EGFL6: variants seen among roughly 807,000 people sequenced by gnomAD.
The protein encoded by EGFL6 is epidermal growth factor-like protein 6.
In EGFL6, 42 loss-of-function variants were observed where a neutral mutation model predicts 43.1. That is an observed-to-expected ratio of 0.98 (90% CI 0.76 to 1.26). The LOEUF is 1.26. Among genes scored for constraint, EGFL6 ranks in the 50% most tolerant of loss-of-function variants. The pLI, the probability that EGFL6 is intolerant of heterozygous loss-of-function variation, is 0.00. For missense variants in EGFL6, 429 were observed against 427.8 expected, an observed-to-expected ratio of 1.00 and a Z score of -0.02; for synonymous variants, 164 against 163.2, an observed-to-expected ratio of 1.01 and a Z score of -0.04.
At position 13,608,528 on chromosome X, in the gene EGFL6, C is replaced by T; in HGVS notation, c.778+82C>T. ...ATCTCCTTCCTCCCTCTATTTCTCT[C>T]CTTTCTTTGTCTTCCTCGCCTTCTC... is the stretch of plus-strand genomic sequence containing the variant. On this transcript the variant is annotated intron_variant, in intron 7 of 11. Transcript: ENST00000361306. The T allele has an allele frequency of 2.7e-6, 3 of 1,107,972 alleles. No individual in the cohort carries two copies. The African/African-American group carries it at 5.4e-5, about 20-fold the overall frequency. 91.3% of individuals were successfully genotyped at this position (1,107,972 alleles called of 1,213,427 possible).
intron 7 of EGFL6, among the ~76,000 whole-genome samples, chrX:13,614,736 C>G (rs999226107): frequency 2.8e-5 from 3 of 105,428 alleles, no homozygotes; most frequent in African/African-American, 1.1e-4. Flanking sequence ...CCTCCTACTG[C>G]AACTCCCTCC....
At chrX:13,587,574 T>C in intron 1 of EGFL6, among the ~76,000 whole-genome samples, 1 of 112,041 alleles carries the variant, frequency 8.9e-6, no homozygotes, top group Non-Finnish European at 1.9e-5. Flanking sequence ...CTACAGAATA[T>C]TGGAGTTTAT....
intron 6 of EGFL6, 147 bp from the exon 7 acceptor site, chrX:13,608,177 T>C (rs1337309809): frequency 1.5e-6 from 1 of 688,010 alleles, no homozygotes; most frequent in African/African-American, 2.2e-5. Flanking sequence ...CCAATGAGCC[T>C]GCAGTTCTGA....
At chrX:13,585,594 G>A (rs1355003265) in intron 1 of EGFL6, among the ~76,000 whole-genome samples, 1 of 110,802 alleles carries the variant, frequency 9.0e-6, no homozygotes, top group African/African-American at 3.3e-5. Flanking sequence ...AAATAGGTAA[G>A]GTCCTTCCTA....
rs763012440 is a variant in EGFL6 at position 13,599,985 on chromosome X, G to A, written c.291G>A (p.Glu97=). The change falls in exon 4 of 12, where the codon GAG becomes GAA. Residue 97 remains glutamate, a synonymous_variant. Coordinates refer to ENST00000361306, the MANE Select transcript of EGFL6 (RefSeq NM_015507.4). ...TGKTCSQDVN[E]CGMKPRPCQH... Reference sequence around the variant, plus strand: ...TAAATGTCCCTGCAGATGTGAATGAGTGTGGAATGAAACCCCGGCCATGCC... The same window carrying A: ...TAAATGTCCCTGCAGATGTGAATGAATGTGGAATGAAACCCCGGCCATGCC... 2.5e-6 allele frequency: 3 copies of A among 1,210,687 alleles called. No homozygotes were observed. The East Asian group carries it at 8.9e-5, about 36-fold the overall frequency.
At chrX:13,591,817 C>A (rs775226060) in intron 2 of EGFL6, among the ~76,000 whole-genome samples, 2 of 111,256 alleles carry the variant, frequency 1.8e-5, no homozygotes, top group Non-Finnish European at 3.8e-5. Context: ...TAAATCTCCT[C>A]CCAAGGCAGG....
intron 11 of EGFL6, among the ~76,000 whole-genome samples, chrX:13,632,048 AATTT>A (rs2045813924): frequency 9.0e-6 from 1 of 110,501 alleles, no homozygotes; most frequent in African/African-American, 3.3e-5. Context: ...ATTACTAATA[AATTT>A]ATTAGACAAA....
intron 7 of EGFL6, among the ~76,000 whole-genome samples, chrX:13,610,313 TC>T (rs1385641390): frequency 8.9e-6 from 1 of 112,152 alleles, no homozygotes; most frequent in Non-Finnish European, 1.9e-5. Flanking sequence ...TTACATTCTC[TC>T]TTAAAAATGG....
chrX:13,579,329 T>C (rs1281789384), intron 1 of EGFL6, among the ~76,000 whole-genome samples: 1 of 111,548 alleles, frequency 9.0e-6, no homozygotes, highest in African/African-American at 3.3e-5. Context: ...CTCCCACTTA[T>C]AAGTGAGAAC....
rs151014946 is a variant in EGFL6 at position 13,606,511 on chromosome X, T to C, written c.653T>C (p.Ile218Thr). ...TATATCAGTGGACGATATGACTGTA[T>C]AGGTAAGATTCGATGGCACCTTTTC... ...LQYISGRYDCIDINECTMDSH... is the reference protein window; with the variant it reads ...LQYISGRYDCTDINECTMDSH... The change falls in exon 6 of 12, where the codon ATA becomes ACA. Residue 218 changes from isoleucine (I) to threonine (T), a missense_variant and splice_region_variant. Transcript: ENST00000361306. The C allele has an allele frequency of 1.7e-6, 2 of 1,207,822 alleles. No individual in the cohort carries two copies. The highest frequency in any genetic ancestry group is 2.2e-6 in the Non-Finnish European group (2 of 893,832).
At chrX:13,569,963 C>G in intron 1 of EGFL6, 28 bp downstream of exon 1, 1 of 1,199,891 alleles carries the variant, frequency 8.3e-7, no homozygotes, top group East Asian at 3.0e-5. Flanking sequence ...GATTGGCTTC[C>G]CCCCACCCCC....
At chrX:13,599,238 G>A (rs759054365) in intron 3 of EGFL6, among the ~76,000 whole-genome samples, 4 of 110,942 alleles carry the variant, frequency 3.6e-5, no homozygotes, top group African/African-American at 1.3e-4. Context: ...ACATAGAATT[G>A]TGCATATATA....
rs753173608 is a variant in EGFL6 at position 13,608,355 on chromosome X, G to A, written c.687G>A (p.Thr229=). The A allele has an allele frequency of 9.1e-6, 11 of 1,209,025 alleles. No individual in the cohort carries two copies. The South Asian group carries it at 1.1e-4, about 12-fold the overall frequency. The change falls in exon 7 of 12, where the codon ACG becomes ACA. Residue 229 remains threonine, a synonymous_variant. Coordinates refer to ENST00000361306, the MANE Select transcript of EGFL6 (RefSeq NM_015507.4). ...DINECTMDSH[T]CSHHANCFNT... ...ATGAATGTACTATGGATAGCCATAC[G>A]TGCAGCCACCATGCCAATTGCTTCA...
chrX:13,607,154 C>A (rs1170469070), intron 6 of EGFL6, among the ~76,000 whole-genome samples: 1 of 111,424 alleles, frequency 9.0e-6, no homozygotes, highest in East Asian at 2.8e-4. Context: ...GAATTTCAGG[C>A]CTCCATGAAC....
chrX:13,598,888 ACATATATATAATTCATATATATATTT>A (rs1380323556), intron 3 of EGFL6, among the ~76,000 whole-genome samples: 3 of 104,833 alleles, frequency 2.9e-5, no homozygotes, highest in Non-Finnish European at 5.8e-5. Context: ...TATATAATTC[ACATATATATAATTCATATATATATTT>A]CATATATATA....
chrX:13,569,908 T>G lies in EGFL6; in HGVS notation c.47T>G (p.Val16Gly), dbSNP rs772510793. 32 of 1,210,663 alleles carry G rather than the reference T, an allele frequency of 2.6e-5. No homozygotes were observed. The highest frequency in any genetic ancestry group is 3.0e-5 in the Non-Finnish European group (27 of 895,115). The change falls in exon 1 of 12, where the codon GTG (valine) becomes GGG (glycine). Residue 16 changes from valine to glycine, a missense_variant. Coordinates refer to ENST00000361306, the MANE Select transcript of EGFL6 (RefSeq NM_015507.4). ...GCGCTCCCGCTGCTGCTCTCCTGGG[T>G]GGCAGGTGGTTTCGGGAACGCGGCC... is the stretch of plus-strand genomic sequence containing the variant. ...SLALPLLLSW[V>G]AGGFGNAASA...
intron 1 of EGFL6, among the ~76,000 whole-genome samples, chrX:13,577,339 T>TAC (rs1177170223): frequency 7.5e-5 from 1 of 13,266 alleles, no homozygotes; most frequent in Non-Finnish European, 1.7e-4. Context: ...TATATATATA[T>TAC]ATACATACAC....
intron 7 of EGFL6, among the ~76,000 whole-genome samples, chrX:13,612,899 C>T (rs1235391925): frequency 9.0e-6 from 1 of 111,340 alleles, no homozygotes; most frequent in Non-Finnish European, 1.9e-5. Flanking sequence ...AATCCTAGCA[C>T]TTTGGAAGGC....
rs1237507381 is a variant in EGFL6 at position 13,626,997 on chromosome X, C to T, written c.1286-14C>T. ...TTGCCTCATTAATTGTGCATTTTTTCCCTTCTCTTAAAGCTATTGGCTTCT... is the reference window on the plus strand; with the variant it reads ...TTGCCTCATTAATTGTGCATTTTTTTCCTTCTCTTAAAGCTATTGGCTTCT... On this transcript the variant is annotated splice_polypyrimidine_tract_variant and intron_variant, in intron 10 of 11. Transcript: ENST00000361306. 9.2e-6 allele frequency: 11 copies of T among 1,196,775 alleles called. No homozygotes were observed. The Admixed American group carries it at 1.4e-4, about 15-fold the overall frequency.
Sources: gnomAD v4.1 joint callset for allele counts (sites outside exome capture counted in the v4.1 genomes callset) on GRCh38, gnomAD v4.1.1 for gene constraint, MANE v1.5 for transcripts, NCBI Gene and HGNC (gene_info 2026-07-23, HGNC 2026-07-21) for gene names.